NOL10: variants seen among roughly 807,000 people sequenced by gnomAD.
NOL10 encodes the protein nucleolar protein 10.
NOL10 carries 58 observed loss-of-function variants against 103.5 expected under a neutral mutation model. That is an observed-to-expected ratio of 0.56 (90% CI 0.45 to 0.70). NOL10 has a LOEUF of 0.70. Ranked by LOEUF, NOL10 falls within the 30% of genes least tolerant of loss-of-function variation. NOL10 has a pLI of 0.00. For missense variants in NOL10, 763 were observed against 807.3 expected, an observed-to-expected ratio of 0.95 and a Z score of 0.67; for synonymous variants, 287 against 282.5, an observed-to-expected ratio of 1.02 and a Z score of -0.16.
intron 13 of NOL10, among the ~76,000 whole-genome samples, chr2:10,616,601 T>C (rs763134514): frequency 2.0e-5 from 3 of 151,724 alleles, no homozygotes; most frequent in Non-Finnish European, 4.4e-5. Context: ...CAGACTAGAG[T>C]GCAGTGGTGC....
At chr2:10,572,501 C>T (rs1003196408) in intron 20 of NOL10, among the ~76,000 whole-genome samples, 1 of 152,174 alleles carries the variant, frequency 6.6e-6, no homozygotes, top group Non-Finnish European at 1.5e-5. Flanking sequence ...TTTCAACCAA[C>T]ACACTCACAC....
intron 3 of NOL10, among the ~76,000 whole-genome samples, chr2:10,679,598 TCC>T (rs1681575565): frequency 6.8e-6 from 1 of 147,696 alleles, no homozygotes; most frequent in South Asian, 2.1e-4. Flanking sequence ...CTTTCCTCTC[TCC>T]TTCCTCTCTT....
At chr2:10,636,741 T>A (rs2148259751) in intron 13 of NOL10, among the ~76,000 whole-genome samples, 1 of 151,820 alleles carries the variant, frequency 6.6e-6, no homozygotes, top group Middle Eastern at 3.4e-3. Context: ...AAAGATACCA[T>A]CTATATAGGA....
At chr2:10,687,793 A>C (rs1682321675) in intron 1 of NOL10, among the ~76,000 whole-genome samples, 1 of 152,196 alleles carries the variant, frequency 6.6e-6, no homozygotes, top group Admixed American at 6.5e-5. Flanking sequence ...GTCTCTACTA[A>C]AAATACAAAA....
At chr2:10,601,047 G>T in intron 16 of NOL10, 105 bp from the exon 17 acceptor site, 1 of 655,850 alleles carries the variant, frequency 1.5e-6, no homozygotes, top group South Asian at 1.9e-5. Flanking sequence ...TCATAAATAG[G>T]AGATAACTAA....
intron 12 of NOL10, among the ~76,000 whole-genome samples, chr2:10,649,611 C>T (rs559997052): frequency 7.2e-5 from 11 of 152,058 alleles, no homozygotes; most frequent in South Asian, 2.1e-4. Flanking sequence ...TGAGACACTG[C>T]GCCTGGCCTG....
At chr2:10,670,909 A>G (rs1680889842) in intron 6 of NOL10, among the ~76,000 whole-genome samples, 1 of 152,244 alleles carries the variant, frequency 6.6e-6, no homozygotes, top group African/African-American at 2.4e-5. Flanking sequence ...ACTTGCTAAT[A>G]AACTTTTGTT....
At chr2:10,644,932 T>C (rs536954621) in intron 12 of NOL10, among the ~76,000 whole-genome samples, 7 of 152,346 alleles carry the variant, frequency 4.6e-5, no homozygotes, top group East Asian at 3.9e-4. Flanking sequence ...TTTTGCAACA[T>C]ACTCCTTCCC....
chr2:10,687,479 C>A (rs1682299033), intron 1 of NOL10, among the ~76,000 whole-genome samples: 1 of 152,180 alleles, frequency 6.6e-6, no homozygotes, highest in African/African-American at 2.4e-5. Context: ...ATGACAAATG[C>A]TAAGACTGCC....
At chr2:10,602,670 A>C in intron 16 of NOL10, 106 bp downstream of exon 16, 1 of 731,762 alleles carries the variant, frequency 1.4e-6, no homozygotes, top group South Asian at 2.0e-5. Context: ...GATGCAAATT[A>C]AAGATGGAAA....
At chr2:10,573,854 C>A (rs180713194) in intron 20 of NOL10, among the ~76,000 whole-genome samples, 1 of 152,192 alleles carries the variant, frequency 6.6e-6, no homozygotes, top group African/African-American at 2.4e-5. Context: ...CCACCCAAGC[C>A]CAGGCTGCTG....
In NOL10 at chr2:10,671,672, C is replaced by T. The variant is rs1680950327; in HGVS notation, c.346G>A (p.Asp116Asn). The T allele has an allele frequency of 1.3e-6, 2 of 1,568,844 alleles. No individual in the cohort carries two copies. The highest frequency in any genetic ancestry group is 1.2e-5 in the South Asian group (1 of 85,030). Residue 116 changes from aspartate (D) to asparagine (N), a missense_variant, in exon 6 of 21, where the codon GAT (aspartate) becomes AAT (asparagine). Coordinates refer to ENST00000381685, the MANE Select transcript of NOL10 (RefSeq NM_024894.4). ...TGCGAATGAAATTCAATGTATCTATCATTATGTAAGAAGACAATCTGAAAA... is the reference window on the plus strand; with the variant it reads ...TGCGAATGAAATTCAATGTATCTATTATTATGTAAGAAGACAATCTGAAAA... ...DYSKIVFLHN[D>N]RYIEFHSQSG...
intron 20 of NOL10, among the ~76,000 whole-genome samples, chr2:10,573,296 C>T (rs1036084019): frequency 1.3e-5 from 2 of 152,088 alleles, no homozygotes; most frequent in Admixed American, 6.5e-5. Flanking sequence ...CGGATTCAAG[C>T]GATTCCCCTG....
chr2:10,666,386 A>G (rs2148332864), intron 8 of NOL10, among the ~76,000 whole-genome samples: 1 of 152,084 alleles, frequency 6.6e-6, no homozygotes, highest in East Asian at 1.9e-4. Context: ...TCGCTCTGTC[A>G]CCCAGGCGGG....
intron 13 of NOL10, among the ~76,000 whole-genome samples, chr2:10,638,238 T>G (rs113441467): frequency 0.2 from 30,762 of 151,876 alleles, 4,104 homozygotes; most frequent in Non-Finnish European, 0.3. Flanking sequence ...TGAGTTATGA[T>G]CACGTCACTG....
At chr2:10,639,339 G>A (rs545094241) in intron 13 of NOL10, among the ~76,000 whole-genome samples, 11 of 152,244 alleles carry the variant, frequency 7.2e-5, no homozygotes, top group African/African-American at 1.9e-4. Context: ...GGAGAATGGC[G>A]TGAAGCCGGG....
intron 16 of NOL10, among the ~76,000 whole-genome samples, chr2:10,602,270 T>TTACTC (rs1676014668): frequency 6.6e-6 from 1 of 152,256 alleles, no homozygotes; most frequent in Non-Finnish European, 1.5e-5. Flanking sequence ...TTCCTGCAGT[T>TTACTC]TACCTCTCTC....
chr2:10,686,263 C>T (rs1453630677), intron 1 of NOL10, among the ~76,000 whole-genome samples: 2 of 152,052 alleles, frequency 1.3e-5, no homozygotes, highest in Non-Finnish European at 2.9e-5. Context: ...TCTTGAGCAA[C>T]GACCTGAAAG....
chr2:10,685,865 A>G (rs1303923252), intron 1 of NOL10, among the ~76,000 whole-genome samples: 8 of 114,894 alleles, frequency 7.0e-5, no homozygotes, highest in Admixed American at 6.9e-4. Flanking sequence ...GGAGTTCGAG[A>G]CCAGCCTGGC....
Sources: gnomAD v4.1 joint callset for allele counts (sites outside exome capture counted in the v4.1 genomes callset) on GRCh38, gnomAD v4.1.1 for gene constraint, MANE v1.5 for transcripts, NCBI Gene and HGNC (gene_info 2026-07-23, HGNC 2026-07-21) for gene names.